The following TXNL1 variants were observed in gnomAD, a reference collection of about 807,000 sequenced individuals.
TXNL1 encodes the protein thioredoxin-like protein 1.
A neutral mutation model predicts 35.5 loss-of-function variants in TXNL1; 14 were observed. The observed-to-expected ratio is 0.39, with a 90% CI of 0.26 to 0.62. The LOEUF (loss-of-function observed/expected upper bound fraction) is 0.62. Among genes scored for constraint, TXNL1 ranks in the 20% least tolerant of loss-of-function variants. The pLI, the probability that TXNL1 is intolerant of heterozygous loss-of-function variation, is 0.47. For synonymous variants in TXNL1, 110 were observed against 115.5 expected, an observed-to-expected ratio of 0.95 and a Z score of 0.31; for missense variants, 263 against 349.7, an observed-to-expected ratio of 0.75 and a Z score of 1.98.
chr18:56,620,028 G>C (rs1214292061), intron 3 of TXNL1, among the ~76,000 whole-genome samples: 1 of 152,066 alleles, frequency 6.6e-6, no homozygotes, highest in African/African-American at 2.4e-5. Context: ...GAGTACAGTG[G>C]TGTTATCTTG....
intron 7 of TXNL1, among the ~76,000 whole-genome samples, chr18:56,603,419 C>T (rs1228480606): frequency 6.6e-6 from 1 of 151,740 alleles, no homozygotes; most frequent in Non-Finnish European, 1.5e-5. Flanking sequence ...ATGTCGATCA[C>T]AAAAGAATCT....
In TXNL1 at chr18:56,611,097, T is replaced by C. The variant is rs975260102; in HGVS notation, c.736A>G (p.Ile246Val). 7.5e-6 allele frequency: 12 copies of C among 1,591,044 alleles called. No individual in the cohort carries two copies. Among genetic ancestry groups the C allele is most frequent in the Middle Eastern group, 1.7e-4 (1 of 6,000 alleles). The part of the protein sequence containing the change: ...VKFQNVNSVT[I>V]FVQSNQGEEE... ...TCACCTTGATTCGACTGAACAAATA[T>C]CTACCAAAAAAAAGTTTGCATTTAT... The change falls in exon 7 of 8, where the codon ATA (isoleucine) becomes GTA (valine). Residue 246 changes from isoleucine to valine, a missense_variant and splice_region_variant. Ile to Val is a conservative substitution (Grantham distance 29, BLOSUM62 3). Coordinates refer to ENST00000217515, the MANE Select transcript of TXNL1 (RefSeq NM_004786.3).
At chr18:56,622,218 G>A (rs1598919310) in intron 3 of TXNL1, among the ~76,000 whole-genome samples, 1 of 152,054 alleles carries the variant, frequency 6.6e-6, no homozygotes, top group East Asian at 1.9e-4. Context: ...CTAGACCAGT[G>A]CTGGTTTAGA....
chr18:56,621,509 T>G (rs935735099), intron 3 of TXNL1, among the ~76,000 whole-genome samples: 13 of 152,276 alleles, frequency 8.5e-5, no homozygotes, highest in African/African-American at 2.4e-4. Flanking sequence ...AAAACATATT[T>G]AAAGGGGTGC....
At chr18:56,622,700 G>A (rs1227502187) in intron 3 of TXNL1, among the ~76,000 whole-genome samples, 1 of 152,130 alleles carries the variant, frequency 6.6e-6, no homozygotes, top group Non-Finnish European at 1.5e-5. Context: ...AAGTATGCCT[G>A]TAGCTAGGCA....
chr18:56,630,470 C>A (rs1210741826), intron 1 of TXNL1, among the ~76,000 whole-genome samples: 2 of 152,168 alleles, frequency 1.3e-5, no homozygotes, highest in Non-Finnish European at 2.9e-5. Flanking sequence ...TATTTAACTT[C>A]ATTAACTTTC....
intron 7 of TXNL1, chr18:56,605,363 CATTT>C (rs2023873789): frequency 6.6e-6 from 1 of 151,990 alleles, no homozygotes; most frequent in Non-Finnish European, 1.5e-5. Flanking sequence ...GTTTTTAGTT[CATTT>C]GAGTTGGATT....
intron 1 of TXNL1, among the ~76,000 whole-genome samples, chr18:56,631,926 A>AC (rs2024378439): frequency 1.3e-5 from 2 of 151,798 alleles, no homozygotes; most frequent in Non-Finnish European, 2.9e-5. Flanking sequence ...GTCTCAAAAA[A>AC]AAAAAAAAAA....
chr18:56,616,146 A>AG, intron 5 of TXNL1, 99 bp downstream of exon 5: 2 of 1,093,182 alleles, frequency 1.8e-6, no homozygotes, highest in South Asian at 1.5e-5. Context: ...AAAAAAAAAA[A>AG]GAAAAAACAA....
intron 6 of TXNL1, among the ~76,000 whole-genome samples, chr18:56,613,684 C>T (rs9959882): frequency 0.013 from 1,979 of 152,074 alleles, 40 homozygotes; most frequent in African/African-American, 0.046. Flanking sequence ...TGAGGTGGCA[C>T]GTGCCTGCGG....
intron 3 of TXNL1, 50 bp downstream of exon 3, chr18:56,624,238 G>T: frequency 6.6e-7 from 1 of 1,504,684 alleles, no homozygotes; most frequent in Non-Finnish European, 9.0e-7. Flanking sequence ...GCCCAATAAT[G>T]ACATGTACAA....
rs1266437630 is a variant in TXNL1 at position 56,597,953 on chromosome 18, C to A, written c.*5074G>T. 1 of 152,216 alleles carries A rather than the reference C, an allele frequency of 6.6e-6. No individual in the cohort carries two copies. Among genetic ancestry groups the A allele is most frequent in the African/African-American group, 2.4e-5 (1 of 41,456 alleles). The allele number at this position is 152,216 out of a possible 1,614,324, so 9.4% of individuals were successfully genotyped here. On this transcript the variant is annotated 3_prime_UTR_variant, in exon 8 of 8. Transcript: ENST00000217515. The stretch of plus-strand genomic sequence containing the variant: ...CACAGACTTCTCTATGCTCGCTCCT[C>A]CCATAAATTAAGGAGAAAGTTTGAT...
In TXNL1 at chr18:56,611,939, C is replaced by T. The variant is rs139018453; in HGVS notation, c.736-842G>A. Reference sequence around the variant, plus strand: ...TCTCAGCTCACTGCAACCTCCACCTCTCAGGTTCAAGCAAGTCTCCTGCCT... The same window carrying T: ...TCTCAGCTCACTGCAACCTCCACCTTTCAGGTTCAAGCAAGTCTCCTGCCT... On this transcript the variant is annotated intron_variant, in intron 6 of 7. Transcript: ENST00000217515. Among the ~76,000 whole-genome samples, 149 of 150,606 alleles carry T rather than the reference C, an allele frequency of 9.9e-4. No individual in the cohort carries two copies. In the East Asian group the frequency reaches 0.028, roughly 28 times the overall value.
At chr18:56,636,332 G>A (rs1286221327) in intron 1 of TXNL1, among the ~76,000 whole-genome samples, 1 of 152,110 alleles carries the variant, frequency 6.6e-6, no homozygotes, top group Non-Finnish European at 1.5e-5. Flanking sequence ...TGATCTAAGA[G>A]GATTCTTACA....
At chr18:56,632,209 T>G (rs1226304986) in intron 1 of TXNL1, among the ~76,000 whole-genome samples, 1 of 152,176 alleles carries the variant, frequency 6.6e-6, no homozygotes, top group Admixed American at 6.5e-5. Flanking sequence ...TCAAGATAAG[T>G]GTCTTATCTT....
chr18:56,606,159 G>A (rs976016795), intron 7 of TXNL1, among the ~76,000 whole-genome samples: 4 of 152,100 alleles, frequency 2.6e-5, no homozygotes, highest in Admixed American at 1.3e-4. Flanking sequence ...GCGGATCAAC[G>A]AGGTCAGGAG....
chr18:56,615,780 C>T (rs534168152), intron 5 of TXNL1, among the ~76,000 whole-genome samples: 14 of 152,268 alleles, frequency 9.2e-5, no homozygotes, highest in African/African-American at 3.4e-4. Context: ...CTCTTTCTTT[C>T]ATACTTTCAG....
chr18:56,638,547 G>T lies in TXNL1; in HGVS notation c.-107C>A. The T allele has an allele frequency of 2.6e-6, 3 of 1,168,194 alleles. No homozygotes were observed. Among genetic ancestry groups the T allele is most frequent in the Non-Finnish European group, 3.5e-6 (3 of 849,986 alleles). The allele number at this position is 1,168,194 out of a possible 1,614,324, so 72.4% of individuals were successfully genotyped here. ...AGATGCTCAGGAAGGCCGAGGCCTG[G>T]ACAGAAGAGGTGGCGACCGCCGAGT... On this transcript the variant is annotated 5_prime_UTR_variant, in exon 1 of 8. Transcript: ENST00000217515.
intron 7 of TXNL1, among the ~76,000 whole-genome samples, chr18:56,603,737 A>C (rs564767465): frequency 9.9e-5 from 15 of 152,206 alleles, no homozygotes; most frequent in Non-Finnish European, 2.2e-4. Flanking sequence ...TCTAGAAAAC[A>C]AATTCTCTGC....
Sources: gnomAD v4.1 joint callset for allele counts (sites outside exome capture counted in the v4.1 genomes callset) on GRCh38, gnomAD v4.1.1 for gene constraint, MANE v1.5 for transcripts, NCBI Gene and HGNC (gene_info 2026-07-23, HGNC 2026-07-21) for gene names.